Variants in DGKG observed in about 807,000 individuals in gnomAD.
The protein encoded by DGKG is DAG kinase gamma.
DGKG carries 78 observed loss-of-function variants against 105.3 expected under a neutral mutation model. The observed-to-expected ratio is 0.74, with a 90% CI of 0.62 to 0.89. DGKG has a LOEUF of 0.89. Among genes scored for constraint, DGKG ranks in the 40% least tolerant of loss-of-function variants. The pLI, the probability that DGKG is intolerant of heterozygous loss-of-function variation, is 0.00. For synonymous variants in DGKG, 346 were observed against 367.1 expected, an observed-to-expected ratio of 0.94 and a Z score of 0.66; for missense variants, 958 against 1,020.1, an observed-to-expected ratio of 0.94 and a Z score of 0.83.
chr3:186,165,623 G>T (rs1716504229), intron 22 of DGKG, among the ~76,000 whole-genome samples: 1 of 152,232 alleles, frequency 6.6e-6, no homozygotes, highest in South Asian at 2.1e-4. Flanking sequence ...ATCAGAGTCT[G>T]TGAGCCCACA....
intron 21 of DGKG, among the ~76,000 whole-genome samples, chr3:186,206,454 C>T (rs767343049): frequency 2.6e-5 from 4 of 151,842 alleles, no homozygotes; most frequent in African/African-American, 9.7e-5. Flanking sequence ...TGAAATGAAA[C>T]ATCTCTACAA....
intron 2 of DGKG, among the ~76,000 whole-genome samples, chr3:186,318,770 T>C (rs1724937340): frequency 6.6e-6 from 1 of 152,132 alleles, no homozygotes; most frequent in South Asian, 2.1e-4. Context: ...GCTGACTCCT[T>C]GATTGTGGAC....
intron 2 of DGKG, among the ~76,000 whole-genome samples, chr3:186,318,829 C>T (rs745555331): frequency 6.6e-6 from 1 of 152,342 alleles, no homozygotes; most frequent in Non-Finnish European, 1.5e-5. Context: ...ACAATAAACC[C>T]ACGCTGGATT....
At chr3:186,252,033 C>A in intron 18 of DGKG, 114 bp from the exon 19 acceptor site, 1 of 1,010,578 alleles carries the variant, frequency 9.9e-7, no homozygotes, top group Non-Finnish European at 1.4e-6. Context: ...TGGGACTCCC[C>A]ACTGTGTCTG....
At chr3:186,335,480 A>C (rs978964835) in intron 1 of DGKG, among the ~76,000 whole-genome samples, 2 of 152,172 alleles carry the variant, frequency 1.3e-5, no homozygotes, top group Non-Finnish European at 2.9e-5. Flanking sequence ...GCCACATGGT[A>C]TCTCGTGCCA....
chr3:186,299,777 C>CTT (rs1723790063), intron 3 of DGKG, among the ~76,000 whole-genome samples: 4 of 56,006 alleles, frequency 7.1e-5, no homozygotes, highest in Admixed American at 2.0e-4. Flanking sequence ...CTCTTTCTTT[C>CTT]TTTCTTTCTT....
chr3:186,273,300 T>G (rs555199346), intron 10 of DGKG, among the ~76,000 whole-genome samples: 1 of 151,076 alleles, frequency 6.6e-6, no homozygotes, highest in Admixed American at 6.6e-5. Flanking sequence ...TTAATGGGAA[T>G]GAGATTGATC....
At chr3:186,165,161 T>A in intron 22 of DGKG, 143 bp from the exon 23 acceptor site, 2 of 829,642 alleles carry the variant, frequency 2.4e-6, no homozygotes, top group Non-Finnish European at 3.6e-6. Flanking sequence ...TCACTCTGAA[T>A]AGGGTGTTTC....
chr3:186,318,752 C>T (rs1038826915), intron 2 of DGKG, among the ~76,000 whole-genome samples: 2 of 152,148 alleles, frequency 1.3e-5, no homozygotes, highest in Non-Finnish European at 2.9e-5. Context: ...TCAGAAGGAG[C>T]CAGCGCCGCT....
chr3:186,263,159 C>CAAAT (rs1578744680), intron 14 of DGKG, among the ~76,000 whole-genome samples: 1 of 147,970 alleles, frequency 6.8e-6, no homozygotes, highest in Non-Finnish European at 1.5e-5. Flanking sequence ...AACAAACAAA[C>CAAAT]AAAAAACACC....
chr3:186,219,191 G>C (rs896147499), intron 20 of DGKG, among the ~76,000 whole-genome samples: 6 of 151,848 alleles, frequency 4.0e-5, no homozygotes, highest in African/African-American at 1.5e-4. Context: ...AGGCAGGTGG[G>C]GTCTGCTCTG....
chr3:186,353,561 G>GTATA (rs1218100064), intron 1 of DGKG, among the ~76,000 whole-genome samples: 1 of 107,946 alleles, frequency 9.3e-6, no homozygotes, highest in African/African-American at 4.9e-5. Context: ...ATACTTTTAT[G>GTATA]TATGTATATA....
At chr3:186,315,153 C>A (rs1164630945) in intron 2 of DGKG, among the ~76,000 whole-genome samples, 1 of 152,218 alleles carries the variant, frequency 6.6e-6, no homozygotes, top group Non-Finnish European at 1.5e-5. Flanking sequence ...TCCAAACAAA[C>A]TCTCTGCCCA....
chr3:186,256,280 C>A (rs1721467493), intron 17 of DGKG, among the ~76,000 whole-genome samples: 1 of 152,186 alleles, frequency 6.6e-6, no homozygotes, highest in Non-Finnish European at 1.5e-5. Flanking sequence ...CCTTCTCGCC[C>A]AGCTAGGTGG....
chr3:186,315,264 A>G (rs975189299), intron 2 of DGKG, among the ~76,000 whole-genome samples: 1 of 152,168 alleles, frequency 6.6e-6, no homozygotes. Flanking sequence ...CACTTTAAAG[A>G]CTTCCTATAA....
At chr3:186,239,781 T>C (rs1720587429) in intron 20 of DGKG, among the ~76,000 whole-genome samples, 8 of 152,108 alleles carry the variant, frequency 5.3e-5, no homozygotes, top group Admixed American at 5.2e-4. Context: ...AAGAGTGAGC[T>C]GAGAACCTAC....
In DGKG at chr3:186,161,836, G is replaced by A. The variant is rs187754245; in HGVS notation, c.2217-173C>T. On this transcript the variant is annotated intron_variant, in intron 23 of 24. Coordinates refer to ENST00000265022, the MANE Select transcript of DGKG (RefSeq NM_001346.3). ...TAGATTTCTGAGACCACCTCAGGGA[G>A]TCTAACTTGGCAGGTCTGGGGGCCA... is the stretch of plus-strand genomic sequence containing the variant. 1.7e-3 allele frequency among the ~76,000 whole-genome samples: 254 copies of A among 152,324 alleles called. 2 individuals are homozygous for A. The highest frequency in any genetic ancestry group is 5.8e-3 in the African/African-American group (240 of 41,582).
At chr3:186,311,371 T>C (rs1216263284) in intron 2 of DGKG, among the ~76,000 whole-genome samples, 1 of 152,206 alleles carries the variant, frequency 6.6e-6, no homozygotes, top group Non-Finnish European at 1.5e-5. Flanking sequence ...ACATTATCCA[T>C]TGTTTAAGTG....
intron 1 of DGKG, among the ~76,000 whole-genome samples, chr3:186,355,746 TCAC>T (rs2108679003): frequency 6.6e-6 from 1 of 150,908 alleles, no homozygotes; most frequent in East Asian, 2.0e-4. Flanking sequence ...ACCACCAGCA[TCAC>T]CACCACCATT....
Sources: gnomAD v4.1 joint callset for allele counts (sites outside exome capture counted in the v4.1 genomes callset) on GRCh38, gnomAD v4.1.1 for gene constraint, MANE v1.5 for transcripts, NCBI Gene and HGNC (gene_info 2026-07-23, HGNC 2026-07-21) for gene names.